The following DOCK3 variants were observed in gnomAD, a reference collection of about 807,000 sequenced individuals.
The protein encoded by DOCK3 is dedicator of cytokinesis 3.
A neutral mutation model predicts 265.6 loss-of-function variants in DOCK3; 60 were observed. That is an observed-to-expected ratio of 0.23 (90% CI 0.18 to 0.28). The LOEUF is 0.28. Among genes scored for constraint, DOCK3 ranks in the 10% least tolerant of loss-of-function variants. The pLI, the probability that DOCK3 is intolerant of heterozygous loss-of-function variation, is 1.00. For synonymous variants in DOCK3, 881 were observed against 938.0 expected (o/e 0.94, Z 1.11); for missense variants, 1,981 against 2,594.3 (o/e 0.76, Z 5.14).
chr3:51,017,861 A>G (rs1022530821), intron 5 of DOCK3, among the ~76,000 whole-genome samples: 4 of 151,852 alleles, frequency 2.6e-5, no homozygotes, highest in Non-Finnish European at 5.9e-5. Flanking sequence ...TCTTCTGTCA[A>G]CGATGTGTGA....
intron 19 of DOCK3, among the ~76,000 whole-genome samples, chr3:51,230,668 C>T (rs1247287624): frequency 6.6e-6 from 1 of 152,098 alleles, no homozygotes; most frequent in African/African-American, 2.4e-5. Context: ...AGGCGCGTGC[C>T]ACCACGCCCA....
chr3:51,123,171 C>G (rs975154267), intron 9 of DOCK3, among the ~76,000 whole-genome samples: 1 of 152,128 alleles, frequency 6.6e-6, no homozygotes. Flanking sequence ...TCAGCCTACC[C>G]ATGGTCCATC....
chr3:51,336,999 C>T, intron 35 of DOCK3: 1 of 418,544 alleles, frequency 2.4e-6, no homozygotes, highest in Non-Finnish European at 4.8e-6. Flanking sequence ...CAGCCTCACT[C>T]CTCGAAAAGT....
chr3:51,341,123 G>A, intron 37 of DOCK3, 114 bp from the exon 38 acceptor site: 2 of 1,301,672 alleles, frequency 1.5e-6, no homozygotes. Flanking sequence ...CCCCGACCTG[G>A]GCTGCACATG....
chr3:50,892,802 A>G (rs1438375078), intron 4 of DOCK3, among the ~76,000 whole-genome samples: 1 of 152,066 alleles, frequency 6.6e-6, no homozygotes, highest in African/African-American at 2.4e-5. Flanking sequence ...CATCATTTCA[A>G]TGCATCACTC....
chr3:51,123,712 G>A (rs537884927), intron 9 of DOCK3, among the ~76,000 whole-genome samples: 1 of 152,194 alleles, frequency 6.6e-6, no homozygotes, highest in African/African-American at 2.4e-5. Flanking sequence ...TTTATTGGGG[G>A]CTGTCACATG....
chr3:50,701,364 C>T (rs975014334), intron 1 of DOCK3, among the ~76,000 whole-genome samples: 8 of 152,246 alleles, frequency 5.3e-5, no homozygotes, highest in African/African-American at 1.4e-4. Flanking sequence ...GTGATCTTCC[C>T]GCCTTGGCCT....
At chr3:51,003,982 G>T (rs562326206) in intron 5 of DOCK3, among the ~76,000 whole-genome samples, 1 of 152,180 alleles carries the variant, frequency 6.6e-6, no homozygotes, top group East Asian at 1.9e-4. Flanking sequence ...GAGAAAGGTG[G>T]GTGTGTTAGG....
chr3:50,997,001 C>T (rs2078310673), intron 5 of DOCK3, among the ~76,000 whole-genome samples: 1 of 152,172 alleles, frequency 6.6e-6, no homozygotes, highest in Non-Finnish European at 1.5e-5. Context: ...AGGCTTTCCC[C>T]AGCAGTCCTA....
At chr3:50,783,051 A>G (rs935171093) in intron 2 of DOCK3, among the ~76,000 whole-genome samples, 2 of 149,850 alleles carry the variant, frequency 1.3e-5, no homozygotes, top group African/African-American at 4.9e-5. Context: ...CTGTACCACC[A>G]CACGTTTTCT....
rs71084118 is a variant in DOCK3, at chr3:50,854,592, G to GTTTT, written c.162+12892_162+12895dup. Among the ~76,000 whole-genome samples the GTTTT allele has an allele frequency of 2.1e-4, 10 of 47,220 alleles. 2 individuals are homozygous for GTTTT. Among genetic ancestry groups the GTTTT allele is most frequent in the East Asian group, 8.4e-4 (1 of 1,186 alleles). 31.0% of individuals were successfully genotyped at this position (47,220 alleles called of 152,430 possible). On this transcript the variant is annotated intron_variant, in intron 3 of 52. Coordinates refer to ENST00000266037, the MANE Select transcript of DOCK3 (RefSeq NM_004947.5). ...GCTACAGATGAGCACCATCACACCA[G>GTTTT]TTTTTTTTTTTTTTTTTTGGTGGTC...
At chr3:51,240,797 C>T (rs1343753493) in intron 21 of DOCK3, among the ~76,000 whole-genome samples, 1 of 152,172 alleles carries the variant, frequency 6.6e-6, no homozygotes, top group Non-Finnish European at 1.5e-5. Context: ...TTTTCTCCAT[C>T]CCTTTATTTT....
chr3:51,178,810 C>T (rs1370479920), intron 12 of DOCK3, among the ~76,000 whole-genome samples: 1 of 152,166 alleles, frequency 6.6e-6, no homozygotes, highest in African/African-American at 2.4e-5. Context: ...TCACTTGCTT[C>T]TTGACAGATA....
intron 3 of DOCK3, among the ~76,000 whole-genome samples, chr3:50,861,975 G>A (rs2046937861): frequency 6.6e-6 from 1 of 151,912 alleles, no homozygotes; most frequent in Non-Finnish European, 1.5e-5. Flanking sequence ...AGTATTGTCA[G>A]CTAGTTGCTT....
At chr3:50,790,871 A>G (rs765544336) in intron 2 of DOCK3, among the ~76,000 whole-genome samples, 12 of 152,234 alleles carry the variant, frequency 7.9e-5, no homozygotes, top group East Asian at 3.9e-4. Context: ...CTAGTGATCA[A>G]TGATACTTTT....
intron 3 of DOCK3, among the ~76,000 whole-genome samples, chr3:50,884,684 G>C (rs2048237036): frequency 6.6e-6 from 1 of 151,154 alleles, no homozygotes; most frequent in Non-Finnish European, 1.5e-5. Flanking sequence ...GTACGTTTAT[G>C]TCTTTTTCCA....
intron 5 of DOCK3, among the ~76,000 whole-genome samples, chr3:50,960,946 A>C (rs906136084): frequency 1.3e-5 from 2 of 152,150 alleles, no homozygotes; most frequent in Non-Finnish European, 2.9e-5. Context: ...CTTTCCCCGC[A>C]TTGAGTTGTC....
intron 1 of DOCK3, among the ~76,000 whole-genome samples, chr3:50,696,692 G>A (rs1006202025): frequency 6.6e-6 from 1 of 152,048 alleles, no homozygotes; most frequent in African/African-American, 2.4e-5. Context: ...GGTGGGGTGG[G>A]GTAGGTGTCA....
rs2087977615 is a variant in DOCK3, at chr3:51,374,885, G to A, written c.5412+298G>A. On this transcript the variant is annotated intron_variant, in intron 50 of 52. Coordinates refer to ENST00000266037, the MANE Select transcript of DOCK3 (RefSeq NM_004947.5). The surrounding 1 kb of genome is among the most constrained non-coding windows in gnomAD (Gnocchi z 4.8). ...GGACTCGTCATCCCTAAACAGTCTA[G>A]CAAAGGTAATTGGTTCTTTGCAGCC... 6.6e-6 allele frequency among the ~76,000 whole-genome samples: 1 copy of A among 152,208 alleles called. No homozygotes were observed. The highest frequency in any genetic ancestry group is 1.5e-5 in the Non-Finnish European group (1 of 68,040).
Sources: gnomAD v4.1 joint callset for allele counts (sites outside exome capture counted in the v4.1 genomes callset) on GRCh38, gnomAD v4.1.1 for gene constraint, Gnocchi (gnomAD v3.1) non-coding constraint, MANE v1.5 for transcripts, NCBI Gene and HGNC (gene_info 2026-07-23, HGNC 2026-07-21) for gene names.